PKP4: variants seen among roughly 807,000 people sequenced by gnomAD.
The protein encoded by PKP4 is plakophilin 4.
PKP4 carries 90 observed loss-of-function variants against 145.1 expected under a neutral mutation model. That is an observed-to-expected ratio of 0.62 (90% confidence interval 0.52 to 0.74). The LOEUF is 0.74. Ranked by LOEUF, PKP4 falls within the 30% of genes least tolerant of loss-of-function variation. The pLI is 0.00. For missense variants in PKP4, 1,340 were observed against 1,482.7 expected (o/e 0.90, Z 1.58); for synonymous variants, 563 against 577.2 (o/e 0.98, Z 0.35).
intron 1 of PKP4, among the ~76,000 whole-genome samples, chr2:158,475,724 G>A (rs1434643677): frequency 1.3e-5 from 2 of 152,172 alleles, no homozygotes; most frequent in African/African-American, 2.4e-5. Context: ...GAAGTGCCCA[G>A]TGGAAGTAAG....
chr2:158,475,323 C>T (rs1180789207), intron 1 of PKP4, among the ~76,000 whole-genome samples: 1 of 152,106 alleles, frequency 6.6e-6, no homozygotes, highest in Non-Finnish European at 1.5e-5. Flanking sequence ...CTTTAAAAGT[C>T]ATGAAACTGA....
chr2:158,471,736 C>T (rs890559068), intron 1 of PKP4, among the ~76,000 whole-genome samples: 1 of 152,154 alleles, frequency 6.6e-6, no homozygotes, highest in Admixed American at 6.5e-5. Flanking sequence ...CTATTAAATG[C>T]CGTTTATTGA....
chr2:158,478,886 T>G (rs1457474109), intron 1 of PKP4, among the ~76,000 whole-genome samples: 1 of 152,236 alleles, frequency 6.6e-6, no homozygotes, highest in Non-Finnish European at 1.5e-5. Flanking sequence ...TTCATTATGT[T>G]TTTATTTTTA....
intron 4 of PKP4, among the ~76,000 whole-genome samples, chr2:158,615,908 G>C (rs2051557955): frequency 6.6e-6 from 1 of 152,076 alleles, no homozygotes; most frequent in African/African-American, 2.4e-5. Context: ...ATATTGATAA[G>C]ATAATATAAA....
chr2:158,641,771 G>C (rs1030894948), intron 10 of PKP4, among the ~76,000 whole-genome samples: 2 of 152,142 alleles, frequency 1.3e-5, no homozygotes, highest in African/African-American at 4.8e-5. Context: ...ACTCATTCTA[G>C]AAACTAAATA....
chr2:158,662,363 G>C (rs2056675488), intron 13 of PKP4: 1 of 152,342 alleles, frequency 6.6e-6, no homozygotes, highest in Non-Finnish European at 1.5e-5. Context: ...AATGACAGTT[G>C]GCCTCCCAAT....
chr2:158,582,432 G>A (rs976500918), intron 3 of PKP4, among the ~76,000 whole-genome samples: 1 of 152,162 alleles, frequency 6.6e-6, no homozygotes, highest in Non-Finnish European at 1.5e-5. Context: ...GCAAAAAGAA[G>A]ATAAAATTTA....
At chr2:158,519,665 C>T (rs2042200875) in intron 1 of PKP4, among the ~76,000 whole-genome samples, 1 of 152,154 alleles carries the variant, frequency 6.6e-6, no homozygotes, top group Non-Finnish European at 1.5e-5. Flanking sequence ...TAGCAGTTAT[C>T]TTTCTGACAT....
At chr2:158,663,123 T>C in intron 14 of PKP4, 35 bp downstream of exon 14, 1 of 1,554,940 alleles carries the variant, frequency 6.4e-7, no homozygotes, top group South Asian at 1.2e-5. Flanking sequence ...CTCTCAAGTT[T>C]AATTTTTCTG....
chr2:158,483,294 T>C (rs890245680), intron 1 of PKP4, among the ~76,000 whole-genome samples: 2 of 152,226 alleles, frequency 1.3e-5, no homozygotes, highest in Admixed American at 1.3e-4. Flanking sequence ...TTTCTAATGC[T>C]TTTCTGGGAA....
intron 1 of PKP4, among the ~76,000 whole-genome samples, chr2:158,502,286 G>A (rs1696699274): frequency 1.3e-5 from 2 of 152,142 alleles, no homozygotes; most frequent in South Asian, 4.1e-4. Flanking sequence ...GTGACCTCTA[G>A]TTCCATTTGC....
intron 15 of PKP4, among the ~76,000 whole-genome samples, chr2:158,664,946 T>TAA (rs4027730): frequency 0.91 from 138,834 of 152,248 alleles, 63,376 homozygotes; most frequent in East Asian, 0.97. Context: ...TTGATGATAA[T>TAA]AAAAGACAGT....
At chr2:158,501,499 ACCTGAGTTTCTCATCTAGCAGCTG>A (rs1696557888) in intron 1 of PKP4, among the ~76,000 whole-genome samples, 1 of 152,092 alleles carries the variant, frequency 6.6e-6, no homozygotes, top group South Asian at 2.1e-4. Flanking sequence ...CAGCCTCCCT[ACCTGAGTTTCTCATCTAGCAGCTG>A]CCTGCATGCC....
chr2:158,559,928 G>A (rs1490275681), intron 2 of PKP4, among the ~76,000 whole-genome samples: 1 of 151,656 alleles, frequency 6.6e-6, no homozygotes, highest in African/African-American at 2.4e-5. Context: ...GTGCAGTGGC[G>A]CGATCTTGGC....
At chr2:158,636,046 T>C (rs2053780354) in intron 9 of PKP4, among the ~76,000 whole-genome samples, 1 of 152,176 alleles carries the variant, frequency 6.6e-6, no homozygotes, top group African/African-American at 2.4e-5. Context: ...AGGAAATCTG[T>C]GAGTTTTTTT....
intron 1 of PKP4, among the ~76,000 whole-genome samples, chr2:158,476,034 T>G (rs1490981162): frequency 6.6e-6 from 1 of 152,212 alleles, no homozygotes; most frequent in Non-Finnish European, 1.5e-5. Flanking sequence ...GAATTCGTTT[T>G]CATTGCAATA....
intron 1 of PKP4, among the ~76,000 whole-genome samples, chr2:158,479,951 TG>T (rs1693085636): frequency 6.6e-6 from 1 of 152,216 alleles, no homozygotes; most frequent in South Asian, 2.1e-4. Context: ...GGGCTGCTCA[TG>T]TGGCTTAAAT....
At chr2:158,557,482 A>G (rs985790502) in intron 2 of PKP4, among the ~76,000 whole-genome samples, 1 of 152,232 alleles carries the variant, frequency 6.6e-6, no homozygotes, top group African/African-American at 2.4e-5. Context: ...TCATCCTAGC[A>G]GCCTTTGCAG....
chr2:158,532,755 C>G lies in PKP4; in HGVS notation c.-5-425C>G, dbSNP rs115494098. Among the ~76,000 whole-genome samples the G allele has an allele frequency of 7.0e-3, 1,064 of 152,356 alleles. 16 individuals carry two copies. Among genetic ancestry groups the G allele is most frequent in the African/African-American group, 0.024 (1,018 of 41,586 alleles). On this transcript the variant is annotated intron_variant, in intron 1 of 21. Transcript: ENST00000389759. ...TAAAGAAACCAAGCTAGCTATAGGA[C>G]TCCACCAAGGGTGACCTTGTTGCTA...
Sources: allele counts gnomAD v4.1 joint callset (sites outside exome capture counted in the v4.1 genomes callset), GRCh38; gene constraint gnomAD v4.1.1; transcripts MANE v1.5; gene names NCBI Gene and HGNC (gene_info 2026-07-23, HGNC 2026-07-21).